TTYH1: variants seen among roughly 807,000 people sequenced by gnomAD.
TTYH1 encodes protein tweety homolog 1.
A neutral mutation model predicts 61.2 loss-of-function variants in TTYH1; 33 were observed. The ratio of observed to expected loss-of-function variants is 0.54; its 90% CI spans 0.41 to 0.72. The LOEUF (loss-of-function observed/expected upper bound fraction) is 0.72. Among genes scored for constraint, TTYH1 ranks in the 30% least tolerant of loss-of-function variants. The pLI is 0.00. For synonymous variants in TTYH1, 308 were observed against 266.4 expected (o/e 1.16, Z -1.52); for missense variants, 538 against 575.8 (o/e 0.93, Z 0.67).
intron 5 of TTYH1, among the ~76,000 whole-genome samples, chr19:54,427,024 C>T (rs911617786): frequency 3.9e-5 from 6 of 152,008 alleles, no homozygotes; most frequent in South Asian, 2.1e-4. Flanking sequence ...TGAGGCCAGG[C>T]GCGGTGGCTC....
rs1184322697 is a variant in TTYH1, at chr19:54,431,286, G to T, written c.1125+95G>T. The T allele has an allele frequency of 4.9e-6, 4 of 809,934 alleles. No homozygotes were observed. In the East Asian group the frequency reaches 1.0e-4, roughly 20 times the overall value. 50.2% of individuals were successfully genotyped at this position (809,934 alleles called of 1,614,324 possible). A position where few individuals can be genotyped will look rare whatever the true frequency, so the allele number is the denominator to read the frequency against. On this transcript the variant is annotated intron_variant, in intron 10 of 13. Coordinates refer to ENST00000376530, the MANE Select transcript of TTYH1 (RefSeq NM_020659.4). ...TCCTTCTCCTTGGACCCCTGCCATT[G>T]CGCCTGAGGATATCTCTGTATCCTC... is the stretch of plus-strand genomic sequence containing the variant.
intron 9 of TTYH1, 44 bp downstream of exon 9, chr19:54,430,949 A>G: frequency 6.4e-7 from 1 of 1,553,808 alleles, no homozygotes; most frequent in Middle Eastern, 1.8e-4. Context: ...CCCACGGGGA[A>G]GGCGGACGGG....
chr19:54,422,295 G>A lies in TTYH1; in HGVS notation c.523G>A (p.Ala175Thr). Residue 175 changes from alanine (A) to threonine (T), a missense_variant, in exon 4 of 14, where the codon GCT becomes ACT. Ala to Thr is a moderately conservative substitution (Grantham distance 58). This residue lies in a region of TTYH1 where 378 missense variants were observed against 401.2 expected (regional missense o/e 0.94). Transcript: ENST00000376530. ...GGAGCTGGTGGCTGCCGCCCGAGGG[G>A]CTCGACGGCAGGCGGAGGCTGCGGC... ...RTELVAAARG[A>T]RRQAEAAAQQ... 2 of 1,567,876 alleles carry A rather than the reference G, an allele frequency of 1.3e-6. No individual in the cohort carries two copies. Among genetic ancestry groups the A allele is most frequent in the Non-Finnish European group, 1.7e-6 (2 of 1,157,116 alleles).
intron 4 of TTYH1, among the ~76,000 whole-genome samples, chr19:54,425,540 G>A (rs2083305809): frequency 6.6e-6 from 1 of 152,078 alleles, no homozygotes; most frequent in East Asian, 1.9e-4. Context: ...GGTTGGGTGT[G>A]AGCTAAATTG....
At position 54,435,835 on chromosome 19, in the gene TTYH1, T is replaced by C. The variant is rs1479885198; in HGVS notation, c.1276T>C (p.Tyr426His). 3.1e-6 allele frequency: 5 copies of C among 1,613,528 alleles called. No homozygotes were observed. The highest frequency in any genetic ancestry group is 4.2e-6 in the Non-Finnish European group (5 of 1,179,972). ...AWALFPPSDD[Y>H]DDTDDDDPFN... is the part of the protein sequence containing the mutation. ...CCCCGCATCAAACCCCAGTGACGAC[T>C]ACGATGACACAGACGATGACGACCC... is the stretch of plus-strand genomic sequence containing the variant. The change falls in exon 12 of 14, where the codon TAC becomes CAC. Residue 426 changes from tyrosine (Y) to histidine (H), a missense_variant. Coordinates refer to ENST00000376530, the MANE Select transcript of TTYH1 (RefSeq NM_020659.4).
In TTYH1 at chr19:54,419,886, G is replaced by A. The variant is rs972270904; in HGVS notation, c.305+580G>A. Among the ~76,000 whole-genome samples, 2 of 152,276 alleles carry A rather than the reference G, an allele frequency of 1.3e-5. No individual in the cohort carries two copies. The highest frequency in any genetic ancestry group is 4.8e-5 in the African/African-American group (2 of 41,558). On this transcript the variant is annotated intron_variant, in intron 2 of 13. Transcript: ENST00000376530. The surrounding 1 kb of genome is among the most constrained non-coding windows in gnomAD (Gnocchi z 6.1). The stretch of plus-strand genomic sequence containing the variant: ...TTATGTTCTAATCAGGGAGACGGAC[G>A]ATAAATAGATATAATCACCCTCCAA...
Position 54,416,856 on chromosome 19 carries a change from A to C in TTYH1, c.126+1178A>C. ...CCGGCTCCGGCCTCGGCCCAGACTC[A>C]CGCCCGCTCTGGCCCGGAGACCTCC... On this transcript the variant is annotated intron_variant, in intron 1 of 13. Transcript: ENST00000376530. The surrounding 1 kb of genome is among the most constrained non-coding windows in gnomAD (Gnocchi z 7.0). The C allele has an allele frequency of 7.7e-7, 1 of 1,292,446 alleles. No individual in the cohort carries two copies. Among genetic ancestry groups the C allele is most frequent in the Non-Finnish European group, 1.0e-6 (1 of 988,344 alleles). The allele number at this position is 1,292,446 out of a possible 1,614,324, so 80.1% of individuals were successfully genotyped here. A position where few individuals can be genotyped will look rare whatever the true frequency, so the allele number is the denominator to read the frequency against.
At position 54,429,963 on chromosome 19, in the gene TTYH1, T is replaced by G. The variant is rs757653026; in HGVS notation, c.883+6T>G. 31 of 1,613,444 alleles carry G rather than the reference T, an allele frequency of 1.9e-5. No homozygotes were observed. In the African/African-American group the frequency reaches 3.2e-4, roughly 17 times the overall value. On this transcript the variant is annotated splice_donor_region_variant and intron_variant, in intron 7 of 13. Transcript: ENST00000376530. The surrounding 1 kb of genome is among the most constrained non-coding windows in gnomAD (Gnocchi z 5.1). ...GGAGACAGGGCTCAGCTCAGGTGAT[T>G]TCCAAGGGCCCGGTGGGTCCGCCGG...
Position 54,436,144 on chromosome 19 carries a change from C to A in TTYH1, c.*15C>A. On this transcript the variant is annotated 3_prime_UTR_variant, in exon 13 of 14. Transcript: ENST00000376530. This position sits in a 1 kb window ranked among gnomAD's most constrained non-coding sequence, Gnocchi z 4.3. Reference sequence around the variant, plus strand: ...CGTCTATCTGAGCCCCTCCTCCCGGCTGGACTGGAGCCTGGCTCCCCTCTT... The same window carrying A: ...CGTCTATCTGAGCCCCTCCTCCCGGATGGACTGGAGCCTGGCTCCCCTCTT... The A allele has an allele frequency of 6.2e-7, 1 of 1,614,136 alleles. No homozygotes were observed. The highest frequency in any genetic ancestry group is 2.2e-5 in the East Asian group (1 of 44,882).
chr19:54,419,333 G>A lies in TTYH1; in HGVS notation c.305+27G>A, dbSNP rs563381544. The stretch of plus-strand genomic sequence containing the variant: ...TAATGGGGCCCCAGGGTGGGTGGGC[G>A]GTGGGGACAGGGCTCCCCAAGCTCT... On this transcript the variant is annotated intron_variant, in intron 2 of 13. Coordinates refer to ENST00000376530, the MANE Select transcript of TTYH1 (RefSeq NM_020659.4). This position sits in a 1 kb window ranked among gnomAD's most constrained non-coding sequence, Gnocchi z 6.1. The A allele has an allele frequency of 9.1e-4, 1,428 of 1,577,082 alleles. 21 individuals carry two copies. In the South Asian group the frequency reaches 0.015, roughly 17 times the overall value.
At position 54,419,378 on chromosome 19, in the gene TTYH1, T is replaced by C; in HGVS notation, c.305+72T>C. On this transcript the variant is annotated intron_variant, in intron 2 of 13. Transcript: ENST00000376530. The surrounding 1 kb of genome is among the most constrained non-coding windows in gnomAD (Gnocchi z 6.1). The stretch of plus-strand genomic sequence containing the variant: ...AGCTCTTTGCTGGCCTTCCTGGGGG[T>C]GTCCTCCGGGGACATGGAGGAAGCA... 1 of 1,464,868 alleles carries C rather than the reference T, an allele frequency of 6.8e-7. No homozygotes were observed. Among genetic ancestry groups the C allele is most frequent in the African/African-American group, 1.4e-5 (1 of 72,432 alleles). The allele number at this position is 1,464,868 out of a possible 1,614,324, so 90.7% of individuals were successfully genotyped here. A position where few individuals can be genotyped will look rare whatever the true frequency, so the allele number is the denominator to read the frequency against.
intron 1 of TTYH1, chr19:54,418,299 C>G (rs1160325251): frequency 6.6e-6 from 1 of 152,368 alleles, no homozygotes; most frequent in Non-Finnish European, 1.5e-5. Context: ...GGCCTTGGCT[C>G]TCTCCGCCTC....
At position 54,429,317 on chromosome 19, in the gene TTYH1, A is replaced by G. The variant is rs757064974; in HGVS notation, c.745A>G (p.Met249Val). 43 of 1,613,992 alleles carry G rather than the reference A, an allele frequency of 2.7e-5. No homozygotes were observed. In the South Asian group the frequency reaches 4.4e-4, roughly 16 times the overall value. Residue 249 changes from methionine to valine, a missense_variant, in exon 6 of 14, where the codon ATG (methionine) becomes GTG (valine). Met to Val is a conservative substitution (Grantham distance 21). Coordinates refer to ENST00000376530, the MANE Select transcript of TTYH1 (RefSeq NM_020659.4). The surrounding 1 kb of genome is among the most constrained non-coding windows in gnomAD (Gnocchi z 5.1). ...CCTCCCCCACTCTAGGATGACAGTCATGAGTCTCCTGGTTCTCGTCCTGAG... is the reference window on the plus strand; with the variant it reads ...CCTCCCCCACTCTAGGATGACAGTCGTGAGTCTCCTGGTTCTCGTCCTGAG... ...SKWLVIVMTVMSLLVLVLSWG... is the reference protein window; with the variant it reads ...SKWLVIVMTVVSLLVLVLSWG...
intron 3 of TTYH1, 58 bp from the exon 4 acceptor site, chr19:54,422,132 C>T (rs904474044): frequency 2.1e-5 from 31 of 1,441,954 alleles, no homozygotes; most frequent in Non-Finnish European, 2.7e-5. Context: ...CCCCATGCCT[C>T]GACCGCGGGC....
In TTYH1 at chr19:54,419,975, T is replaced by C. The variant is rs913679811; in HGVS notation, c.305+669T>C. On this transcript the variant is annotated intron_variant, in intron 2 of 13. Coordinates refer to ENST00000376530, the MANE Select transcript of TTYH1 (RefSeq NM_020659.4). This position sits in a 1 kb window ranked among gnomAD's most constrained non-coding sequence, Gnocchi z 6.1. ...TCCTTCTCACAATAATGCTGCTGGA[T>C]TCAGGGGTGTCAGGCCCAGTTTCCA... is the stretch of plus-strand genomic sequence containing the variant. Among the ~76,000 whole-genome samples, 1 of 152,014 alleles carries C rather than the reference T, an allele frequency of 6.6e-6. No homozygotes were observed. Among genetic ancestry groups the C allele is most frequent in the Non-Finnish European group, 1.5e-5 (1 of 67,988 alleles).
At chr19:54,433,530 A>T (rs528714824) in intron 10 of TTYH1, 1 of 147,920 alleles carries the variant, frequency 6.8e-6, no homozygotes, top group East Asian at 2.0e-4. Context: ...ACTGCACTCC[A>T]GCCGGGGTGA....
chr19:54,431,061 A>C (rs1430558024), intron 9 of TTYH1, 38 bp from the exon 10 acceptor site: 1 of 1,548,988 alleles, frequency 6.5e-7, no homozygotes, highest in Non-Finnish European at 8.9e-7. Context: ...GGCGGGCCTG[A>C]AGAGTTCGTG....
At chr19:54,418,851 A>C in intron 1 of TTYH1, 1 of 396,764 alleles carries the variant, frequency 2.5e-6, no homozygotes, top group Non-Finnish European at 4.4e-6. Context: ...GGTTCCTGCT[A>C]AAGATTGCAC....
In TTYH1 at chr19:54,419,497, A is replaced by G; in HGVS notation, c.305+191A>G. On this transcript the variant is annotated intron_variant, in intron 2 of 13. Transcript: ENST00000376530. This position sits in a 1 kb window ranked among gnomAD's most constrained non-coding sequence, Gnocchi z 6.1. ...AAGGACTGTCCCATTTGATGGATGG[A>G]GAAAGTGAGGCTCTGGAGAGGAAGT... is the stretch of plus-strand genomic sequence containing the variant. 1.4e-6 allele frequency: 1 copy of G among 734,068 alleles called. No homozygotes were observed. Among genetic ancestry groups the G allele is most frequent in the East Asian group, 2.7e-5 (1 of 37,332 alleles). The allele number at this position is 734,068 out of a possible 1,614,324, so 45.5% of individuals were successfully genotyped here.
Sources: allele counts gnomAD v4.1 joint callset (sites outside exome capture counted in the v4.1 genomes callset), GRCh38; gene constraint gnomAD v4.1.1; regional missense constraint gnomAD v4.1.1; non-coding constraint Gnocchi (gnomAD v3.1); transcripts MANE v1.5; gene names NCBI Gene and HGNC (gene_info 2026-07-23, HGNC 2026-07-21).